Variants in KCNIP4 observed in about 807,000 individuals in gnomAD.
The protein encoded by KCNIP4 is Kv channel-interacting protein 4.
In KCNIP4, 12 loss-of-function variants were observed where a neutral mutation model predicts 34.0. That is an observed-to-expected ratio of 0.35 (90% CI 0.23 to 0.57). The LOEUF (loss-of-function observed/expected upper bound fraction) is 0.57, where lower values mean the gene tolerates loss of function less well. Ranked by LOEUF, KCNIP4 falls within the 20% of genes least tolerant of loss-of-function variation. The pLI, the probability that KCNIP4 is intolerant of heterozygous loss-of-function variation, is 0.83. For synonymous variants in KCNIP4, 124 were observed against 102.2 expected (o/e 1.21, Z -1.29); for missense variants, 238 against 311.7 (o/e 0.76, Z 1.78).
At chr4:21,234,072 C>CATAACACATAACGTATATTATAT in intron 1 of KCNIP4, among the ~76,000 whole-genome samples, 1 of 92,726 alleles carries the variant, frequency 1.1e-5, no homozygotes, top group East Asian at 2.7e-4. Flanking sequence ...TATAACATAA[C>CATAACACATAACGTATATTATAT]ATAACATATA....
intron 1 of KCNIP4, among the ~76,000 whole-genome samples, chr4:21,195,110 G>A (rs796331222): frequency 1.3e-5 from 2 of 152,086 alleles, no homozygotes; most frequent in East Asian, 3.9e-4. Context: ...CTACTCCTTA[G>A]CACTTGTCCA....
intron 1 of KCNIP4, among the ~76,000 whole-genome samples, chr4:21,439,019 G>A (rs184179950): frequency 3.3e-5 from 5 of 152,154 alleles, no homozygotes; most frequent in East Asian, 1.9e-4. Context: ...AAAATTAACC[G>A]GGCGTGGCGG....
At chr4:21,258,173 C>T (rs112720555) in intron 1 of KCNIP4, among the ~76,000 whole-genome samples, 2 of 152,276 alleles carry the variant, frequency 1.3e-5, no homozygotes, top group African/African-American at 4.8e-5. Context: ...AGCCCCACTT[C>T]ACATACAAAT....
chr4:21,677,807 C>T (rs557899971), intron 1 of KCNIP4, among the ~76,000 whole-genome samples: 102 of 152,166 alleles, frequency 6.7e-4, no homozygotes, highest in African/African-American at 2.0e-3. Context: ...TGGAGTGCAG[C>T]GGCACGATGT....
chr4:20,821,154 G>C (rs907216753), intron 3 of KCNIP4, among the ~76,000 whole-genome samples: 1 of 152,216 alleles, frequency 6.6e-6, no homozygotes, highest in East Asian at 1.9e-4. Flanking sequence ...GTCTTCCCTG[G>C]GTTTTGGGTC....
intron 1 of KCNIP4, among the ~76,000 whole-genome samples, chr4:21,280,404 G>C (rs1285024009): frequency 6.6e-6 from 1 of 152,024 alleles, no homozygotes; most frequent in Non-Finnish European, 1.5e-5. Context: ...ACACATAGCA[G>C]GCACTTTGTA....
chr4:21,392,603 T>C (rs923636926), intron 1 of KCNIP4, among the ~76,000 whole-genome samples: 11 of 152,184 alleles, frequency 7.2e-5, no homozygotes, highest in African/African-American at 2.4e-4. Context: ...AAACGAAAAA[T>C]AATTACCCTT....
At chr4:21,656,141 A>T (rs954339949) in intron 1 of KCNIP4, among the ~76,000 whole-genome samples, 2 of 152,068 alleles carry the variant, frequency 1.3e-5, no homozygotes, top group South Asian at 4.2e-4. Flanking sequence ...GGAAGAATCT[A>T]CTCCATGTCC....
chr4:21,432,713 G>A (rs1452358077), intron 1 of KCNIP4, among the ~76,000 whole-genome samples: 1 of 152,174 alleles, frequency 6.6e-6, no homozygotes, highest in Non-Finnish European at 1.5e-5. Flanking sequence ...AAATTGATGT[G>A]TAATCAATAG....
In KCNIP4 at chr4:21,348,808, A is replaced by T. The variant is rs1485519; in HGVS notation, c.62-466099T>A. On this transcript the variant is annotated intron_variant, in intron 1 of 8. Coordinates refer to ENST00000382152, the MANE Select transcript of KCNIP4 (RefSeq NM_025221.6). ...TACCATCTGGCCTATGCTAGGAGCC[A>T]AAATAATTGGTGCAGAAAATGAGTG... Among the ~76,000 whole-genome samples, 235 of 152,332 alleles carry T rather than the reference A, an allele frequency of 1.5e-3. 3 individuals are homozygous for T. The highest frequency in any genetic ancestry group is 5.4e-3 in the African/African-American group (226 of 41,580).
At chr4:21,536,716 G>T (rs549130506) in intron 1 of KCNIP4, among the ~76,000 whole-genome samples, 19 of 151,974 alleles carry the variant, frequency 1.3e-4, no homozygotes, top group African/African-American at 4.3e-4. Flanking sequence ...AGGAAACAAG[G>T]GTTGCAGTGA....
rs71191533 is a variant in KCNIP4 at position 21,683,446 on chromosome 4, A to ATTTTTTTTTTTTTTTTTTTTTT, written c.61+265103_61+265124dup. Among the ~76,000 whole-genome samples, 13 of 46,614 alleles carry ATTTTTTTTTTTTTTTTTTTTTT rather than the reference A, an allele frequency of 2.8e-4. 3 individuals are homozygous for ATTTTTTTTTTTTTTTTTTTTTT. The highest frequency in any genetic ancestry group is 5.4e-4 in the Non-Finnish European group (13 of 24,002). The allele number at this position is 46,614 out of a possible 152,430, so 30.6% of individuals were successfully genotyped here. A position where few individuals can be genotyped will look rare whatever the true frequency, so the allele number is the denominator to read the frequency against. On this transcript the variant is annotated intron_variant, in intron 1 of 8. Transcript: ENST00000382152. ...TACGACTAATGATTGGTGAAGCCAGATTTTTTTTTTTTTTTTTTTTTTTTT... is the reference window on the plus strand; with the variant it reads ...TACGACTAATGATTGGTGAAGCCAGATTTTTTTTTTTTTTTTTTTTTTTTTTTTTTTTTTTTTTTTTTTTTTT...
intron 1 of KCNIP4, among the ~76,000 whole-genome samples, chr4:20,905,503 T>C (rs1205898417): frequency 2.2e-5 from 2 of 89,244 alleles, no homozygotes; most frequent in Admixed American, 1.5e-4. Context: ...GTTGAACGTT[T>C]TCTTTCTTTT....
chr4:20,735,410 A>G (rs1183519304), intron 5 of KCNIP4, among the ~76,000 whole-genome samples: 2 of 152,162 alleles, frequency 1.3e-5, no homozygotes, highest in African/African-American at 4.8e-5. Context: ...GTCCTTGGCA[A>G]TGACATTGGC....
At chr4:21,278,905 T>G (rs1578010119) in intron 1 of KCNIP4, among the ~76,000 whole-genome samples, 1 of 151,920 alleles carries the variant, frequency 6.6e-6, no homozygotes, top group Non-Finnish European at 1.5e-5. Flanking sequence ...CTAGAAGAGG[T>G]GGGAATAGTA....
rs115626790 is a variant in KCNIP4 at position 21,493,078 on chromosome 4, G to T, written c.61+455493C>A. 4.8e-3 allele frequency among the ~76,000 whole-genome samples: 730 copies of T among 152,168 alleles called. 8 individuals carry two copies. Among genetic ancestry groups the T allele is most frequent in the African/African-American group, 0.017 (695 of 41,540 alleles). ...CACACCTTATAGCTTTCTCGTCTTTGGATTTCCCTTTAGGTCAGGAATCCA... is the reference window on the plus strand; with the variant it reads ...CACACCTTATAGCTTTCTCGTCTTTTGATTTCCCTTTAGGTCAGGAATCCA... On this transcript the variant is annotated intron_variant, in intron 1 of 8. Transcript: ENST00000382152.
At chr4:20,870,940 G>T (rs1177303038) in intron 2 of KCNIP4, among the ~76,000 whole-genome samples, 1 of 152,038 alleles carries the variant, frequency 6.6e-6, no homozygotes, top group Non-Finnish European at 1.5e-5. Flanking sequence ...CAGAGGAGAG[G>T]CCTCCTGAGA....
At chr4:21,589,064 G>A (rs1363136401) in intron 1 of KCNIP4, among the ~76,000 whole-genome samples, 1 of 146,142 alleles carries the variant, frequency 6.8e-6, no homozygotes, top group Non-Finnish European at 1.5e-5. Context: ...AGTGAGAGAC[G>A]AAAAGAAGAA....
intron 1 of KCNIP4, among the ~76,000 whole-genome samples, chr4:21,438,579 A>G (rs1252094204): frequency 6.6e-6 from 1 of 152,220 alleles, no homozygotes; most frequent in Non-Finnish European, 1.5e-5. Context: ...TATGCTGAAA[A>G]TAATCAGAAG....
Sources: allele counts gnomAD v4.1 joint callset (sites outside exome capture counted in the v4.1 genomes callset), GRCh38; gene constraint gnomAD v4.1.1; transcripts MANE v1.5; gene names NCBI Gene and HGNC (gene_info 2026-07-23, HGNC 2026-07-21).